The following LINGO2 variants were observed in gnomAD, a reference collection of about 807,000 sequenced individuals.
LINGO2 encodes leucine-rich repeat and immunoglobulin-like domain-containing nogo receptor-interacting protein 2.
LINGO2 carries 14 observed loss-of-function variants against 30.6 expected under a neutral mutation model. The ratio of observed to expected loss-of-function variants is 0.46; its 90% CI spans 0.30 to 0.72. The LOEUF is 0.72. LINGO2 is among the 30% of genes least tolerant of loss of function. The pLI is 0.07. For synonymous variants in LINGO2, 317 were observed against 288.5 expected (o/e 1.10, Z -1.00); for missense variants, 729 against 751.7 (o/e 0.97, Z 0.35).
chr9:28,660,228 T>C (rs1218903130), intron 1 of LINGO2, among the ~76,000 whole-genome samples: 1 of 152,112 alleles, frequency 6.6e-6, no homozygotes. Context: ...TTCTAGTGTT[T>C]ATATTAGAAA....
At chr9:28,382,116 T>C (rs540038387) in intron 2 of LINGO2, among the ~76,000 whole-genome samples, 1 of 152,250 alleles carries the variant, frequency 6.6e-6, no homozygotes, top group East Asian at 1.9e-4. Context: ...GGGATAATAA[T>C]ACTTGCCTCA....
At chr9:28,176,564 C>A (rs1003009244) in intron 4 of LINGO2, among the ~76,000 whole-genome samples, 1 of 152,126 alleles carries the variant, frequency 6.6e-6, no homozygotes, top group Non-Finnish European at 1.5e-5. Flanking sequence ...GAATTTAATA[C>A]AATATCTGAC....
chr9:29,156,810 C>T, the LINGO2 span, among the ~76,000 whole-genome samples: 1 of 151,978 alleles, frequency 6.6e-6, no homozygotes, highest in African/African-American at 2.4e-5. Context: ...CAAATTATTA[C>T]CTGAGAATAA....
intron 4 of LINGO2, among the ~76,000 whole-genome samples, chr9:28,026,326 A>G (rs1019245571): frequency 6.6e-6 from 1 of 152,178 alleles, no homozygotes; most frequent in Non-Finnish European, 1.5e-5. Flanking sequence ...CACCTAAGGC[A>G]TAATAGATAT....
the LINGO2 span, among the ~76,000 whole-genome samples, chr9:28,742,137 G>C: frequency 6.6e-6 from 1 of 151,926 alleles, no homozygotes; most frequent in Non-Finnish European, 1.5e-5. Context: ...CCTGGTCTTG[G>C]GGTTTGAGGC....
intron 4 of LINGO2, among the ~76,000 whole-genome samples, chr9:28,226,202 T>G (rs1404841620): frequency 2.0e-5 from 3 of 152,186 alleles, no homozygotes; most frequent in Non-Finnish European, 2.9e-5. Flanking sequence ...CAAGGTAAAA[T>G]CCAGAATTTA....
At chr9:28,906,300 GT>G in the LINGO2 span, among the ~76,000 whole-genome samples, 2 of 151,876 alleles carry the variant, frequency 1.3e-5, no homozygotes, top group Non-Finnish European at 2.9e-5. Flanking sequence ...TAGATTTTAA[GT>G]GTGATCACTA....
intron 4 of LINGO2, among the ~76,000 whole-genome samples, chr9:28,251,153 AT>A (rs1165613220): frequency 1.3e-5 from 2 of 152,120 alleles, no homozygotes; most frequent in Non-Finnish European, 2.9e-5. Context: ...ACCTCTGTGA[AT>A]TCTTTCTCTG....
the LINGO2 span, among the ~76,000 whole-genome samples, chr9:28,998,476 T>TC: frequency 6.6e-6 from 1 of 152,004 alleles, no homozygotes; most frequent in East Asian, 1.9e-4. Context: ...GCAACCTTTT[T>TC]CCCCCTCATA....
the LINGO2 span, among the ~76,000 whole-genome samples, chr9:28,797,115 GAA>G: frequency 6.6e-6 from 1 of 151,206 alleles, no homozygotes; most frequent in Non-Finnish European, 1.5e-5. Context: ...TCTAGGGAGA[GAA>G]ATTTAAAATT....
At chr9:29,007,217 T>A in the LINGO2 span, among the ~76,000 whole-genome samples, 1 of 152,086 alleles carries the variant, frequency 6.6e-6, no homozygotes, top group African/African-American at 2.4e-5. Flanking sequence ...GAATATTTCT[T>A]CCCAGGTCAT....
chr9:29,004,199 C>T, the LINGO2 span, among the ~76,000 whole-genome samples: 7 of 152,018 alleles, frequency 4.6e-5, no homozygotes, highest in Non-Finnish European at 8.8e-5. Context: ...AGTATATGCT[C>T]ATTTTACCCT....
At chr9:28,422,474 A>G (rs1823236301) in intron 2 of LINGO2, among the ~76,000 whole-genome samples, 1 of 151,780 alleles carries the variant, frequency 6.6e-6, no homozygotes, top group East Asian at 1.9e-4. Flanking sequence ...TGAGCTACCA[A>G]CTAATACCCG....
chr9:28,225,179 G>A (rs961096039), intron 4 of LINGO2, among the ~76,000 whole-genome samples: 1 of 152,122 alleles, frequency 6.6e-6, no homozygotes, highest in African/African-American at 2.4e-5. Flanking sequence ...AGAAGAGCAG[G>A]AAAGGGGGCC....
intron 4 of LINGO2, among the ~76,000 whole-genome samples, chr9:28,168,214 C>T (rs142162595): frequency 1.6e-4 from 25 of 152,288 alleles, no homozygotes; most frequent in South Asian, 1.0e-3. Context: ...GATCTACTCC[C>T]GGATATTTTA....
At chr9:28,697,963 C>G in the LINGO2 span, among the ~76,000 whole-genome samples, 1 of 152,130 alleles carries the variant, frequency 6.6e-6, no homozygotes, top group East Asian at 1.9e-4. Context: ...AAAATTTTGT[C>G]AAAATCAGGT....
At chr9:28,198,403 A>G (rs1489644307) in intron 4 of LINGO2, among the ~76,000 whole-genome samples, 1 of 152,198 alleles carries the variant, frequency 6.6e-6, no homozygotes, top group East Asian at 1.9e-4. Context: ...AGGAAACTGT[A>G]GCAAGAGTTT....
chr9:28,507,950 G>A (rs1244875014), intron 1 of LINGO2, among the ~76,000 whole-genome samples: 1 of 151,906 alleles, frequency 6.6e-6, no homozygotes, highest in Non-Finnish European at 1.5e-5. Flanking sequence ...TCATTGTAAA[G>A]CCAGCCTTTC....
At chr9:27,938,844 T>C in the LINGO2 span, 1 of 152,170 alleles carries the variant, frequency 6.6e-6, no homozygotes, top group East Asian at 1.9e-4. Flanking sequence ...AATGAGTAAA[T>C]GAATGAAAGG....
Sources: gnomAD v4.1 joint callset for allele counts (sites outside exome capture counted in the v4.1 genomes callset) on GRCh38, gnomAD v4.1.1 for gene constraint, MANE v1.5 for transcripts, NCBI Gene and HGNC (gene_info 2026-07-23, HGNC 2026-07-21) for gene names.